Variants in PHACTR2 observed in about 807,000 individuals in gnomAD.
The protein encoded by PHACTR2 is phosphatase and actin regulator 2.
Under a neutral mutation model 76.0 loss-of-function variants are expected in PHACTR2, and 30 were observed. That is an observed-to-expected ratio of 0.39 (90% CI 0.30 to 0.54). PHACTR2 has a LOEUF of 0.54. Ranked by LOEUF, PHACTR2 falls within the 20% of genes least tolerant of loss-of-function variation. The pLI, the probability that PHACTR2 is intolerant of heterozygous loss-of-function variation, is 0.61. For missense variants in PHACTR2, 696 were observed against 781.1 expected (o/e 0.89, Z 1.30); for synonymous variants, 292 against 292.5 (o/e 1.00, Z 0.02).
In PHACTR2 at chr6:143,592,225, A is replaced by T. The variant is rs1448419798; in HGVS notation, c.217+55018A>T. 1.3e-5 allele frequency among the ~76,000 whole-genome samples: 2 copies of T among 152,206 alleles called. No individual in the cohort carries two copies. Among genetic ancestry groups the T allele is most frequent in the East Asian group, 3.8e-4 (2 of 5,198 alleles). On this transcript the variant is annotated intron_variant, in intron 1 of 11. Transcript: ENST00000367584. This position sits in a 1 kb window ranked among gnomAD's most constrained non-coding sequence, Gnocchi z 4.0. The stretch of plus-strand genomic sequence containing the variant: ...ATTTACAGCTTTTAAATATTTAGGC[A>T]TATGGGATGGGGGCTTCCATTTGTG...
chr6:143,788,800 C>T lies in PHACTR2; in HGVS notation c.1735C>T (p.Leu579=), dbSNP rs1248269150. ...CAGCCTGAGACCCACAGTGGCAGAG[C>T]TACAAGCTCGAAGGATCCTGCGATT... ...KLSLRPTVAE[L]QARRILRFNE... is the part of the protein sequence containing the mutation. The change falls in exon 11 of 13, where the codon CTA becomes TTA. Residue 579 remains leucine (L), a synonymous_variant. Coordinates refer to ENST00000440869, the MANE Select transcript of PHACTR2 (RefSeq NM_001100164.2). 3 of 1,613,306 alleles carry T rather than the reference C, an allele frequency of 1.9e-6. No individual in the cohort carries two copies. The highest frequency in any genetic ancestry group is 2.5e-6 in the Non-Finnish European group (3 of 1,179,430).
In PHACTR2 at chr6:143,688,833, A is replaced by G. The variant is rs7742129; in HGVS notation, c.46+10624A>G. 0.043 allele frequency among the ~76,000 whole-genome samples: 6,505 copies of G among 152,282 alleles called. 452 individuals are homozygous for G. The highest frequency in any genetic ancestry group is 0.14 in the African/African-American group (5,986 of 41,538). ...CCTTCTGCAATTCATTTTCCACAGA[A>G]CAGCTAAAGTAATTTCTTAAAGCAT... On this transcript the variant is annotated intron_variant, in intron 1 of 12. Coordinates refer to ENST00000440869, the MANE Select transcript of PHACTR2 (RefSeq NM_001100164.2). This position sits in a 1 kb window ranked among gnomAD's most constrained non-coding sequence, Gnocchi z 5.2.
At chr6:143,666,319 A>C (rs1377715670) in intron 1 of PHACTR2, among the ~76,000 whole-genome samples, 1 of 152,198 alleles carries the variant, frequency 6.6e-6, no homozygotes, top group Non-Finnish European at 1.5e-5. Flanking sequence ...GCTATTGTGA[A>C]GAGTGCTGCA....
At chr6:143,590,682 C>T (rs1424076523) in intron 1 of PHACTR2, among the ~76,000 whole-genome samples, 1 of 152,098 alleles carries the variant, frequency 6.6e-6, no homozygotes, top group Admixed American at 6.5e-5. Flanking sequence ...GGCTTTCTTT[C>T]TATCTCTCTA....
In PHACTR2 at chr6:143,820,618, C is replaced by T. The variant is rs1168159713; in HGVS notation, c.1923-3056C>T. On this transcript the variant is annotated intron_variant, in intron 12 of 12. Coordinates refer to ENST00000440869, the MANE Select transcript of PHACTR2 (RefSeq NM_001100164.2). This position sits in a 1 kb window ranked among gnomAD's most constrained non-coding sequence, Gnocchi z 4.2. ...CTGTGGATTTGCAAGGTGCAGCCCC[C>T]AGGCTGATCTCACAGGCTGGCGTTG... Among the ~76,000 whole-genome samples the T allele has an allele frequency of 2.6e-5, 4 of 152,254 alleles. No homozygotes were observed. Among genetic ancestry groups the T allele is most frequent in the Admixed American group, 6.5e-5 (1 of 15,290 alleles).
chr6:143,635,696 T>C (rs760343747), intron 1 of PHACTR2, among the ~76,000 whole-genome samples: 8 of 152,244 alleles, frequency 5.3e-5, no homozygotes, highest in Non-Finnish European at 1.2e-4. Flanking sequence ...TGACCAACTC[T>C]TCATTCTTAG....
chr6:143,657,175 A>G (rs2128447493), intron 1 of PHACTR2, among the ~76,000 whole-genome samples: 1 of 152,228 alleles, frequency 6.6e-6, no homozygotes, highest in East Asian at 1.9e-4. Context: ...AGGTGCAGCA[A>G]ATCACCATGG....
Position 143,827,036 on chromosome 6 carries a change from C to T in PHACTR2, c.*3347C>T, listed in dbSNP as rs1562322415. ...TTTAAGGAAATAAAGGAATTCAATA[C>T]ACCCTTCAAAAGTCACCAAATACTG... On this transcript the variant is annotated 3_prime_UTR_variant, in exon 13 of 13. Coordinates refer to ENST00000440869, the MANE Select transcript of PHACTR2 (RefSeq NM_001100164.2). 1.3e-5 allele frequency: 2 copies of T among 150,722 alleles called. No individual in the cohort carries two copies. The highest frequency in any genetic ancestry group is 2.4e-5 in the African/African-American group (1 of 41,026). The allele number at this position is 150,722 out of a possible 1,614,324, so 9.3% of individuals were successfully genotyped here.
chr6:143,551,518 A>G (rs1775094932), intron 1 of PHACTR2, among the ~76,000 whole-genome samples: 1 of 152,158 alleles, frequency 6.6e-6, no homozygotes, highest in Non-Finnish European at 1.5e-5. Context: ...TGTAGACTAG[A>G]AAAAGGTAAG....
At chr6:143,593,456 T>TA in intron 1 of PHACTR2, among the ~76,000 whole-genome samples, 1 of 152,200 alleles carries the variant, frequency 6.6e-6, no homozygotes, top group East Asian at 1.9e-4. Context: ...TTCAAATAGT[T>TA]ACAGAAGAGA....
chr6:143,557,833 T>C lies in PHACTR2; in HGVS notation c.217+20626T>C, dbSNP rs1034017468. The C allele has an allele frequency of 2.0e-5, 3 of 152,182 alleles. No individual in the cohort carries two copies. Among genetic ancestry groups the C allele is most frequent in the African/African-American group, 4.8e-5 (2 of 41,442 alleles). 9.4% of individuals were successfully genotyped at this position (152,182 alleles called of 1,614,324 possible). On this transcript the variant is annotated intron_variant, in intron 1 of 11. Transcript: ENST00000367584. The surrounding 1 kb of genome is among the most constrained non-coding windows in gnomAD (Gnocchi z 5.5). ...GTCAGTGGGAAGCGAAGTCAGGTCA[T>C]GTTCTTGAAGGTAAAATTAGGCCAG...
rs117784120 is a variant in PHACTR2 at position 143,706,395 on chromosome 6, T to C, written c.47-5621T>C. 2.0e-5 allele frequency among the ~76,000 whole-genome samples: 3 copies of C among 152,334 alleles called. No individual in the cohort carries two copies. In the East Asian group the frequency reaches 5.8e-4, roughly 29 times the overall value. ...ATGTGTGTAAGCAAACCCATGCATA[T>C]ATACATGTCTATAATTCATTTACTT... On this transcript the variant is annotated intron_variant, in intron 1 of 12. Transcript: ENST00000440869.
chr6:143,644,974 C>A (rs564055635), intron 1 of PHACTR2, among the ~76,000 whole-genome samples: 1 of 151,894 alleles, frequency 6.6e-6, no homozygotes, highest in Admixed American at 6.6e-5. Context: ...TCCCTCACCC[C>A]CTTCCCACCC....
In PHACTR2 at chr6:143,629,944, A is replaced by T. The variant is rs149239413; in HGVS notation, c.13+21622A>T. Among the ~76,000 whole-genome samples the T allele has an allele frequency of 7.5e-3, 1,139 of 152,236 alleles. 17 individuals are homozygous for T. The highest frequency in any genetic ancestry group is 0.026 in the African/African-American group (1,067 of 41,552). ...CATCATAGCCTTCGTGAGTGAGCAG[A>T]TGATGTGATCCAAGCTGCCCTCTGA... On this transcript the variant is annotated intron_variant, in intron 1 of 11. Coordinates refer to the PHACTR2 transcript ENST00000305766.
Position 143,678,269 on chromosome 6 carries a change from C to T in PHACTR2, c.46+60C>T, listed in dbSNP as rs1283969121. The T allele has an allele frequency of 7.2e-7, 1 of 1,383,278 alleles. No homozygotes were observed. Among genetic ancestry groups the T allele is most frequent in the Non-Finnish European group, 9.4e-7 (1 of 1,067,720 alleles). 85.7% of individuals were successfully genotyped at this position (1,383,278 alleles called of 1,614,324 possible). On this transcript the variant is annotated intron_variant, in intron 1 of 12. Coordinates refer to ENST00000440869, the MANE Select transcript of PHACTR2 (RefSeq NM_001100164.2). The surrounding 1 kb of genome is among the most constrained non-coding windows in gnomAD (Gnocchi z 6.2). ...CGCGGGCGCAGGGCTGGCGGCGGGG[C>T]CCCGGGGCAGGCAGGGTTAGTCGTC...
chr6:143,586,893 C>T (rs564402915), intron 1 of PHACTR2, among the ~76,000 whole-genome samples: 1 of 152,278 alleles, frequency 6.6e-6, no homozygotes, highest in South Asian at 2.1e-4. Flanking sequence ...GTCCCGCCTC[C>T]TACCTCATTA....
At chr6:143,744,074 A>G (rs1248671666) in intron 2 of PHACTR2, among the ~76,000 whole-genome samples, 2 of 152,190 alleles carry the variant, frequency 1.3e-5, no homozygotes, top group Non-Finnish European at 2.9e-5. Flanking sequence ...GTCGTGTACT[A>G]CACCCTGCTA....
At position 143,597,842 on chromosome 6, in the gene PHACTR2, G is replaced by T. The variant is rs1397080754; in HGVS notation, c.217+60635G>T. ...TATAATTTCGCTACCATTTTATCCT[G>T]AGAAATTCTCTTTCATTACCTGCTC... is the stretch of plus-strand genomic sequence containing the variant. On this transcript the variant is annotated intron_variant, in intron 1 of 11. Transcript: ENST00000367584. This position sits in a 1 kb window ranked among gnomAD's most constrained non-coding sequence, Gnocchi z 5.7. Among the ~76,000 whole-genome samples, 1 of 152,106 alleles carries T rather than the reference G, an allele frequency of 6.6e-6. No individual in the cohort carries two copies. The highest frequency in any genetic ancestry group is 1.5e-5 in the Non-Finnish European group (1 of 68,026).
chr6:143,790,676 C>CT (rs758900964), intron 11 of PHACTR2, among the ~76,000 whole-genome samples: 41,928 of 140,080 alleles, frequency 0.3, 6,576 homozygotes, highest in Admixed American at 0.35. Flanking sequence ...TAACAAGATT[C>CT]TTTTTTTTTT....
Sources: gnomAD v4.1 joint callset for allele counts (sites outside exome capture counted in the v4.1 genomes callset) on GRCh38, gnomAD v4.1.1 for gene constraint, Gnocchi (gnomAD v3.1) non-coding constraint, MANE v1.5 for transcripts, NCBI Gene and HGNC (gene_info 2026-07-23, HGNC 2026-07-21) for gene names.